PSMD1: variants seen among roughly 807,000 people sequenced by gnomAD.
PSMD1 encodes proteasome 26S subunit, non-ATPase 1.
PSMD1 carries 18 observed loss-of-function variants against 119.0 expected under a neutral mutation model. The observed-to-expected ratio is 0.15, with a 90% CI of 0.10 to 0.22. The LOEUF is 0.22. PSMD1 is among the 10% of genes least tolerant of loss of function. The probability of loss-of-function intolerance (pLI) is 1.00; values close to 1 mark genes in which losing one functional copy is unlikely to be tolerated. For synonymous variants in PSMD1, 374 were observed against 396.6 expected, an observed-to-expected ratio of 0.94 and a Z score of 0.68; for missense variants, 702 against 1,158.5, an observed-to-expected ratio of 0.61 and a Z score of 5.72.
At chr2:231,063,886 A>G (rs1408946880) in intron 4 of PSMD1, among the ~76,000 whole-genome samples, 1 of 151,736 alleles carries the variant, frequency 6.6e-6, no homozygotes, top group Non-Finnish European at 1.5e-5. Context: ...GTGGTCTCAA[A>G]CTCCTGGCCT....
chr2:231,152,119 T>C (rs185756309), intron 18 of PSMD1, among the ~76,000 whole-genome samples: 36 of 152,120 alleles, frequency 2.4e-4, no homozygotes, highest in African/African-American at 7.7e-4. Flanking sequence ...CCCGGCCACG[T>C]GAGAATTTTT....
At chr2:231,151,979 A>AT (rs1360610416) in intron 18 of PSMD1, among the ~76,000 whole-genome samples, 2 of 151,678 alleles carry the variant, frequency 1.3e-5, no homozygotes, top group African/African-American at 2.4e-5. Flanking sequence ...TGCCCAGCTC[A>AT]TTTTTTGTAT....
At position 231,161,429 on chromosome 2, in the gene PSMD1, T is replaced by G; in HGVS notation, c.2308T>G (p.Trp770Gly). The part of the protein sequence containing the change: ...VVGVLVFTQF[W>G]FWFPLSHFLS... ...TGGCGTCCTTGTATTTACCCAGTTTTGGTTCTGGTTTCCTCTTTCACACTT... is the reference window on the plus strand; with the variant it reads ...TGGCGTCCTTGTATTTACCCAGTTTGGGTTCTGGTTTCCTCTTTCACACTT... The change falls in exon 20 of 25, where the codon TGG becomes GGG. Residue 770 changes from tryptophan to glycine, a missense_variant. Transcript: ENST00000308696. The G allele has an allele frequency of 6.2e-7, 1 of 1,614,036 alleles. No homozygotes were observed. Among genetic ancestry groups the G allele is most frequent in the East Asian group, 2.2e-5 (1 of 44,870 alleles).
chr2:231,107,742 A>G (rs1695010813), intron 16 of PSMD1, among the ~76,000 whole-genome samples: 1 of 152,198 alleles, frequency 6.6e-6, no homozygotes, highest in South Asian at 2.1e-4. Flanking sequence ...GATCTCACTT[A>G]AAGTTTGTAT....
chr2:231,090,992 A>T (rs1435185425), intron 16 of PSMD1, among the ~76,000 whole-genome samples: 1 of 152,188 alleles, frequency 6.6e-6, no homozygotes, highest in Non-Finnish European at 1.5e-5. Flanking sequence ...AAAAGAAGTA[A>T]TCACTTTTTG....
chr2:231,127,028 C>T (rs79665382), intron 16 of PSMD1, among the ~76,000 whole-genome samples: 4,328 of 152,110 alleles, frequency 0.028, 182 homozygotes, highest in African/African-American at 0.098. Flanking sequence ...CACACATACA[C>T]GCACACACAC....
chr2:231,067,484 G>A (rs1041007094), intron 5 of PSMD1, among the ~76,000 whole-genome samples: 3 of 152,124 alleles, frequency 2.0e-5, no homozygotes, highest in African/African-American at 7.2e-5. Context: ...CAACCGAAGT[G>A]GTCAGAAAGG....
At chr2:231,083,045 TGTAA>T in intron 13 of PSMD1, 51 bp downstream of exon 13, 28 of 1,315,892 alleles carry the variant, frequency 2.1e-5, no homozygotes, top group Non-Finnish European at 2.9e-5. Context: ...TTAATGTAAA[TGTAA>T]TTACATTAGT....
intron 16 of PSMD1, among the ~76,000 whole-genome samples, chr2:231,094,012 AT>A (rs1365652453): frequency 1.3e-5 from 2 of 152,220 alleles, no homozygotes; most frequent in African/African-American, 2.4e-5. Context: ...ATGTGCACTA[AT>A]TAACTGAGAA....
chr2:231,086,071 C>T (rs1033042062), intron 15 of PSMD1, among the ~76,000 whole-genome samples: 17 of 150,678 alleles, frequency 1.1e-4, no homozygotes, highest in East Asian at 3.9e-4. Context: ...GACAGGGTTT[C>T]GCTCTATCAT....
chr2:231,059,651 C>T lies in PSMD1; in HGVS notation c.17-1616C>T, dbSNP rs79277153. Among the ~76,000 whole-genome samples, 312 of 152,306 alleles carry T rather than the reference C, an allele frequency of 2.0e-3. 1 individual carries two copies. Among genetic ancestry groups the T allele is most frequent in the African/African-American group, 7.1e-3 (296 of 41,550 alleles). ...CTTTCCCTTTCCTGATCCCCAGAGG[C>T]AGGTATTCCCAACTTTTAAGCTGTG... On this transcript the variant is annotated intron_variant, in intron 1 of 24. Coordinates refer to ENST00000308696, the MANE Select transcript of PSMD1 (RefSeq NM_002807.4).
chr2:231,072,329 C>T lies in PSMD1; in HGVS notation c.795C>T (p.Ile265=), dbSNP rs1490702243. The stretch of plus-strand genomic sequence containing the variant: ...GCCAGCAGTTTTTGTCATCTGTAAT[C>T]CAGAATCTTCGAACTGTTGGCACCC... ...SASQQFLSSV[I]QNLRTVGTPI... Residue 265 remains isoleucine, a synonymous_variant, in exon 7 of 25, where the codon ATC becomes ATT. Transcript: ENST00000308696. 1.2e-6 allele frequency: 2 copies of T among 1,613,886 alleles called. No individual in the cohort carries two copies. The highest frequency in any genetic ancestry group is 2.7e-5 in the African/African-American group (2 of 74,900).
At chr2:231,124,405 A>G (rs925792542) in intron 16 of PSMD1, among the ~76,000 whole-genome samples, 2 of 152,180 alleles carry the variant, frequency 1.3e-5, no homozygotes, top group South Asian at 2.1e-4. Flanking sequence ...TCGAAACACA[A>G]TAGTTCAGAA....
intron 16 of PSMD1, among the ~76,000 whole-genome samples, chr2:231,122,280 A>C (rs1196352275): frequency 6.6e-6 from 1 of 152,118 alleles, no homozygotes; most frequent in African/African-American, 2.4e-5. Context: ...ACCTGTTACT[A>C]TCTGATAATA....
Position 231,083,599 on chromosome 2 carries a change from A to G in PSMD1, c.1558A>G (p.Met520Val), listed in dbSNP as rs1442272859. The stretch of plus-strand genomic sequence containing the variant: ...AGCTGGCCTGGCCCTAGGTTTGGTT[A>G]TGTTGGGCTCTAAAAATGCTCAGGC... ...EAAGLALGLV[M>V]LGSKNAQAIE... is the part of the protein sequence containing the mutation. Residue 520 changes from methionine (M) to valine (V), a missense_variant, in exon 14 of 25, where the codon ATG becomes GTG. Met to Val is a conservative substitution (Grantham distance 21, BLOSUM62 1). Coordinates refer to ENST00000308696, the MANE Select transcript of PSMD1 (RefSeq NM_002807.4). 2 of 1,614,198 alleles carry G rather than the reference A, an allele frequency of 1.2e-6. No individual in the cohort carries two copies. Among genetic ancestry groups the G allele is most frequent in the South Asian group, 1.1e-5 (1 of 91,088 alleles).
chr2:231,084,847 ATG>A (rs1272355265), intron 14 of PSMD1, among the ~76,000 whole-genome samples, 170 bp from the exon 15 acceptor site: 1 of 152,106 alleles, frequency 6.6e-6, no homozygotes, highest in African/African-American at 2.4e-5. Context: ...TTCTGTATTT[ATG>A]TGTTTTATTG....
chr2:231,144,989 A>G (rs1432671355), intron 17 of PSMD1, among the ~76,000 whole-genome samples: 1 of 152,210 alleles, frequency 6.6e-6, no homozygotes, highest in Non-Finnish European at 1.5e-5. Flanking sequence ...TTACCTCAAG[A>G]CGAGAGCGCT....
At chr2:231,150,407 T>A (rs1409078692) in intron 18 of PSMD1, among the ~76,000 whole-genome samples, 1 of 151,680 alleles carries the variant, frequency 6.6e-6, no homozygotes, top group Non-Finnish European at 1.5e-5. Context: ...TATATACACA[T>A]ATATAGACAT....
intron 8 of PSMD1, 60 bp downstream of exon 8, chr2:231,075,631 A>G: frequency 6.6e-7 from 1 of 1,504,992 alleles, no homozygotes; most frequent in Non-Finnish European, 9.1e-7. Flanking sequence ...CCAGGCTAGA[A>G]CGCAGTGGCG....
Sources: gnomAD v4.1 joint callset for allele counts (sites outside exome capture counted in the v4.1 genomes callset) on GRCh38, gnomAD v4.1.1 for gene constraint, MANE v1.5 for transcripts, NCBI Gene and HGNC (gene_info 2026-07-23, HGNC 2026-07-21) for gene names.